Variants in CENPQ observed in about 807,000 individuals in gnomAD.
The protein encoded by CENPQ is centromere protein Q, also known as chromosome 6 open reading frame 139.
Under a neutral mutation model 36.6 loss-of-function variants are expected in CENPQ, and 27 were observed. The observed-to-expected ratio is 0.74, with a 90% CI of 0.54 to 1.02. The LOEUF is 1.02. Ranked by LOEUF, CENPQ falls within the 50% of genes least tolerant of loss-of-function variation. CENPQ has a pLI of 0.00. For missense variants in CENPQ, 306 were observed against 301.8 expected, an observed-to-expected ratio of 1.01 and a Z score of -0.10; for synonymous variants, 101 against 101.7, an observed-to-expected ratio of 0.99 and a Z score of 0.04.
At chr6:49,486,619 TA>T (rs200942288) in intron 6 of CENPQ, among the ~76,000 whole-genome samples, 5 of 147,654 alleles carry the variant, frequency 3.4e-5, no homozygotes, top group Non-Finnish European at 6.0e-5. Flanking sequence ...AAACAAAATG[TA>T]AAAAAAAAAC....
chr6:49,465,254 A>G (rs1767973886), intron 1 of CENPQ, among the ~76,000 whole-genome samples: 1 of 152,210 alleles, frequency 6.6e-6, no homozygotes, highest in African/African-American at 2.4e-5. Context: ...GGCTTAAAAT[A>G]CTCAGTAAAC....
At chr6:49,488,273 G>A (rs1768635762) in intron 6 of CENPQ, 79 bp from the exon 7 acceptor site, 1 of 1,066,858 alleles carries the variant, frequency 9.4e-7, no homozygotes, top group Non-Finnish European at 1.3e-6. Context: ...TTTAAAATGT[G>A]TATGTATAAC....
chr6:49,487,888 C>G (rs1192472132), intron 6 of CENPQ, among the ~76,000 whole-genome samples: 1 of 152,048 alleles, frequency 6.6e-6, no homozygotes, highest in Non-Finnish European at 1.5e-5. Flanking sequence ...TCTCCCTGCT[C>G]TAATGCCCAA....
intron 6 of CENPQ, among the ~76,000 whole-genome samples, chr6:49,487,332 G>A (rs956051245): frequency 6.6e-6 from 1 of 150,658 alleles, no homozygotes; most frequent in Non-Finnish European, 1.5e-5. Context: ...CTGTTTTGTT[G>A]CATATCCTTT....
intron 1 of CENPQ, among the ~76,000 whole-genome samples, chr6:49,467,612 T>G (rs1199835060): frequency 1.3e-5 from 2 of 152,222 alleles, no homozygotes; most frequent in African/African-American, 4.8e-5. Context: ...TACAAAAGTT[T>G]CTAAATGATT....
chr6:49,472,809 A>G lies in CENPQ; in HGVS notation c.298A>G (p.Ile100Val), dbSNP rs977261739. Residue 100 changes from isoleucine to valine, a missense_variant, in exon 5 of 9, where the codon ATT becomes GTT. By Grantham distance (29) the Ile-to-Val change is conservative (BLOSUM62 3). Transcript: ENST00000335783. ...SVIMTILSNS[I>V]KEKEEIQYHL... ...TTCTAGGACAATTTTGAGTAACAGT[A>G]TTAAAGAAAAAGAAGAAATACAATA... is the stretch of plus-strand genomic sequence containing the variant. 24 of 1,459,846 alleles carry G rather than the reference A, an allele frequency of 1.6e-5. No individual in the cohort carries two copies. Among genetic ancestry groups the G allele is most frequent in the Non-Finnish European group, 2.2e-5 (24 of 1,074,296 alleles). The allele number at this position is 1,459,846 out of a possible 1,614,324, so 90.4% of individuals were successfully genotyped here.
chr6:49,465,472 T>C, intron 1 of CENPQ, among the ~76,000 whole-genome samples: 1 of 152,242 alleles, frequency 6.6e-6, no homozygotes, highest in East Asian at 1.9e-4. Context: ...TTTCTAGATA[T>C]GAAAGTCCTA....
At chr6:49,474,861 C>G (rs909956882) in intron 5 of CENPQ, among the ~76,000 whole-genome samples, 24 of 152,128 alleles carry the variant, frequency 1.6e-4, no homozygotes, top group African/African-American at 5.1e-4. Flanking sequence ...AAACTACCAT[C>G]AGAGAATACT....
chr6:49,474,032 C>A (rs1030115963), intron 5 of CENPQ, among the ~76,000 whole-genome samples: 6 of 152,100 alleles, frequency 3.9e-5, no homozygotes, highest in South Asian at 2.1e-4. Context: ...TCCTTAGAGA[C>A]CTACAAAGAG....
intron 1 of CENPQ, among the ~76,000 whole-genome samples, chr6:49,463,885 C>G (rs1482396112): frequency 1.3e-5 from 2 of 152,102 alleles, no homozygotes; most frequent in African/African-American, 2.4e-5. Context: ...ATGCCTCCCT[C>G]TCTCCTAAAG....
chr6:49,482,175 C>T (rs1324005320), intron 6 of CENPQ, among the ~76,000 whole-genome samples: 14 of 152,192 alleles, frequency 9.2e-5, no homozygotes, highest in Non-Finnish European at 1.8e-4. Context: ...AAGCACCGCG[C>T]GCAGCCCCGG....
intron 6 of CENPQ, among the ~76,000 whole-genome samples, chr6:49,483,484 G>A (rs1038826220): frequency 2.6e-5 from 4 of 152,132 alleles, no homozygotes; most frequent in Non-Finnish European, 5.9e-5. Context: ...GGCGCTCATG[G>A]GGGAGGCTCC....
At chr6:49,485,148 A>C (rs1289693525) in intron 6 of CENPQ, among the ~76,000 whole-genome samples, 1 of 152,196 alleles carries the variant, frequency 6.6e-6, no homozygotes, top group East Asian at 1.9e-4. Flanking sequence ...GCAGCTTGTA[A>C]ACTCTATCTG....
At chr6:49,465,265 C>T (rs944608561) in intron 1 of CENPQ, among the ~76,000 whole-genome samples, 5 of 152,108 alleles carry the variant, frequency 3.3e-5, no homozygotes, top group African/African-American at 4.8e-5. Context: ...CTCAGTAAAC[C>T]GTGCTGTAAA....
intron 8 of CENPQ, among the ~76,000 whole-genome samples, 172 bp from the exon 9 acceptor site, chr6:49,491,972 G>A (rs1164097670): frequency 6.6e-6 from 1 of 152,136 alleles, no homozygotes; most frequent in Non-Finnish European, 1.5e-5. Flanking sequence ...GGTGAAAGGA[G>A]CAGGATGGGG....
At position 49,473,900 on chromosome 6, in the gene CENPQ, C is replaced by A. The variant is rs182323748; in HGVS notation, c.347+1042C>A. On this transcript the variant is annotated intron_variant, in intron 5 of 8. Coordinates refer to ENST00000335783, the MANE Select transcript of CENPQ (RefSeq NM_018132.4). ...TCTGATAAAACAGACTTTAAACCAA[C>A]AAAGATCAAAAGAGACAAAGAAGAC... Among the ~76,000 whole-genome samples the A allele has an allele frequency of 2.9e-3, 435 of 152,210 alleles. 1 individual carries two copies. Among genetic ancestry groups the A allele is most frequent in the African/African-American group, 9.9e-3 (412 of 41,522 alleles).
At chr6:49,471,056 C>T (rs1768122183) in intron 3 of CENPQ, 28 bp downstream of exon 3, 2 of 1,358,860 alleles carry the variant, frequency 1.5e-6, no homozygotes, top group African/African-American at 1.5e-5. Flanking sequence ...CCTTGTTTAA[C>T]CTGCTTCTAT....
At chr6:49,490,462 AT>A (rs1399336532) in intron 8 of CENPQ, among the ~76,000 whole-genome samples, 1 of 152,220 alleles carries the variant, frequency 6.6e-6, no homozygotes, top group Non-Finnish European at 1.5e-5. Context: ...TTGATCTTCC[AT>A]CCAGACCACT....
At chr6:49,471,611 A>G (rs967625233) in intron 3 of CENPQ, among the ~76,000 whole-genome samples, 6 of 152,052 alleles carry the variant, frequency 3.9e-5, no homozygotes, top group African/African-American at 1.4e-4. Context: ...GAGATCCAGT[A>G]CTATTTCTTC....
Sources: gnomAD v4.1 joint callset for allele counts (sites outside exome capture counted in the v4.1 genomes callset) on GRCh38, gnomAD v4.1.1 for gene constraint, MANE v1.5 for transcripts, NCBI Gene and HGNC (gene_info 2026-07-23, HGNC 2026-07-21) for gene names.